The following ERCC6L2 variants were observed in gnomAD, a reference collection of about 807,000 sequenced individuals.
ERCC6L2 encodes DNA excision repair protein ERCC-6-like 2.
A neutral mutation model predicts 132.0 loss-of-function variants in ERCC6L2; 77 were observed. That is an observed-to-expected ratio of 0.58 (90% confidence interval 0.49 to 0.71). The LOEUF is 0.71. ERCC6L2 is among the 30% of genes least tolerant of loss of function. ERCC6L2 has a pLI of 0.00. For missense variants in ERCC6L2, 1,542 were observed against 1,837.6 expected, an observed-to-expected ratio of 0.84 and a Z score of 2.94; for synonymous variants, 583 against 632.4, an observed-to-expected ratio of 0.92 and a Z score of 1.17.
At chr9:96,031,602 G>T (rs1299816785) in intron 19 of ERCC6L2, among the ~76,000 whole-genome samples, 1 of 152,238 alleles carries the variant, frequency 6.6e-6, no homozygotes, top group Non-Finnish European at 1.5e-5. Flanking sequence ...TAAAGCCAAG[G>T]CGCCCAAGCA....
At chr9:95,970,478 CT>C in intron 14 of ERCC6L2, 97 bp from the exon 15 acceptor site, 1 of 559,174 alleles carries the variant, frequency 1.8e-6, no homozygotes, top group Non-Finnish European at 2.6e-6. Context: ...ATTTTTCTTT[CT>C]TAGCTCCAAG....
chr9:96,029,169 T>TGGCG (rs1358173185), intron 19 of ERCC6L2, among the ~76,000 whole-genome samples: 22 of 151,738 alleles, frequency 1.4e-4, no homozygotes, highest in African/African-American at 2.4e-5. Flanking sequence ...CCGGGCGTGG[T>TGGCG]GGCACGTGAC....
chr9:95,880,454 GA>G (rs1471492110), intron 1 of ERCC6L2, among the ~76,000 whole-genome samples: 21 of 152,132 alleles, frequency 1.4e-4, no homozygotes, highest in African/African-American at 5.1e-4. Flanking sequence ...GAGTCAGGAA[GA>G]ATATTTTAGT....
intron 20 of ERCC6L2, among the ~76,000 whole-genome samples, chr9:96,040,421 T>G (rs960795448): frequency 1.3e-5 from 2 of 152,344 alleles, no homozygotes; most frequent in Middle Eastern, 3.4e-3. Flanking sequence ...CGGTTCCTCG[T>G]GTGAACCAAT....
chr9:95,958,487 T>C (rs1465871122), intron 13 of ERCC6L2, among the ~76,000 whole-genome samples: 1 of 152,184 alleles, frequency 6.6e-6, no homozygotes, highest in African/African-American at 2.4e-5. Flanking sequence ...GTAAAAGTGT[T>C]CCTGTTTTTC....
At chr9:96,009,326 A>G (rs55983886) in intron 18 of ERCC6L2, among the ~76,000 whole-genome samples, 13,253 of 152,282 alleles carry the variant, frequency 0.087, 661 homozygotes, top group Admixed American at 0.14. Flanking sequence ...CTGTCCAACC[A>G]TGTACATTTT....
downstream of ERCC6L2, chr9:96,020,677 G>A (rs780598086): frequency 2.4e-6 from 1 of 420,576 alleles, no homozygotes; most frequent in Non-Finnish European, 4.8e-6. Flanking sequence ...CCTCCCAATG[G>A]CGGGAACAAG....
At chr9:96,011,155 C>G (rs1489545496) in intron 18 of ERCC6L2, among the ~76,000 whole-genome samples, 1 of 152,178 alleles carries the variant, frequency 6.6e-6, no homozygotes, top group Non-Finnish European at 1.5e-5. Flanking sequence ...TTCGTGTCCA[C>G]AGTTCTGGAG....
intron 14 of ERCC6L2, chr9:95,968,963 A>T (rs1832289079): frequency 6.6e-6 from 1 of 152,220 alleles, no homozygotes; most frequent in South Asian, 2.1e-4. Flanking sequence ...GAAACTGTTA[A>T]GGAAGGGGCA....
intron 12 of ERCC6L2, among the ~76,000 whole-genome samples, chr9:95,950,839 T>G (rs370440502): frequency 3.9e-5 from 6 of 152,104 alleles, no homozygotes; most frequent in Admixed American, 1.3e-4. Context: ...GAAGCAAACA[T>G]TGACAGAATT....
At chr9:95,988,664 T>C (rs966908626) in intron 17 of ERCC6L2, among the ~76,000 whole-genome samples, 1 of 152,162 alleles carries the variant, frequency 6.6e-6, no homozygotes, top group African/African-American at 2.4e-5. Flanking sequence ...ATCACCCTGT[T>C]TTTCCTCTGC....
In ERCC6L2 at chr9:95,928,069, T is replaced by G. The variant is rs1282503640; in HGVS notation, c.1534-10T>G. ...AACTGGTTCACTGATTTTCTGTGGT[T>G]CATTTTCAGGTCCTTCAGCAGCTTT... On this transcript the variant is annotated splice_polypyrimidine_tract_variant and intron_variant, in intron 9 of 18. Coordinates refer to ENST00000653738, the MANE Select transcript of ERCC6L2 (RefSeq NM_020207.7). 4.4e-6 allele frequency: 7 copies of G among 1,607,762 alleles called. No homozygotes were observed. The highest frequency in any genetic ancestry group is 1.3e-5 in the African/African-American group (1 of 74,770).
intron 13 of ERCC6L2, among the ~76,000 whole-genome samples, chr9:95,962,666 TCC>T (rs1313355703): frequency 2.6e-5 from 4 of 152,190 alleles, no homozygotes; most frequent in Non-Finnish European, 5.9e-5. Flanking sequence ...TGACAGACTG[TCC>T]CTGATTTATG....
chr9:95,961,481 G>A (rs956352700), intron 13 of ERCC6L2, among the ~76,000 whole-genome samples: 6 of 152,144 alleles, frequency 3.9e-5, no homozygotes, highest in Non-Finnish European at 7.4e-5. Flanking sequence ...GCACAACTAT[G>A]AGAAAATAAA....
intron 13 of ERCC6L2, among the ~76,000 whole-genome samples, chr9:95,962,523 A>T (rs970287072): frequency 2.6e-5 from 4 of 152,196 alleles, no homozygotes; most frequent in African/African-American, 4.8e-5. Context: ...AGCAAAATTT[A>T]AAAAATTATA....
chr9:95,915,978 A>T, intron 5 of ERCC6L2, 149 bp downstream of exon 5: 1 of 838,752 alleles, frequency 1.2e-6, no homozygotes, highest in Non-Finnish European at 1.8e-6. Flanking sequence ...CACAGTAGAG[A>T]GTCCCATGAA....
intron 8 of ERCC6L2, among the ~76,000 whole-genome samples, chr9:95,922,834 GTTTAC>G (rs1829934516): frequency 6.6e-6 from 1 of 152,080 alleles, no homozygotes; most frequent in Admixed American, 6.5e-5. Context: ...TAATTTCAAA[GTTTAC>G]TTTGGTTGTT....
intron 17 of ERCC6L2, among the ~76,000 whole-genome samples, chr9:95,983,281 T>C (rs1424373938): frequency 2.0e-5 from 3 of 152,206 alleles, no homozygotes. Flanking sequence ...AAAGGAATTA[T>C]AAGCTAATTT....
At chr9:95,916,465 T>C in intron 6 of ERCC6L2, 31 bp downstream of exon 6, 1 of 1,439,876 alleles carries the variant, frequency 6.9e-7, no homozygotes, top group Non-Finnish European at 9.2e-7. Flanking sequence ...TATTATTAAT[T>C]TGTGGTCATA....
Sources: allele counts gnomAD v4.1 joint callset (sites outside exome capture counted in the v4.1 genomes callset), GRCh38; gene constraint gnomAD v4.1.1; transcripts MANE v1.5; gene names NCBI Gene and HGNC (gene_info 2026-07-23, HGNC 2026-07-21).